BCAR1: variants seen among roughly 807,000 people sequenced by gnomAD.
BCAR1 encodes BCAR1 scaffold protein, Cas family member.
A neutral mutation model predicts 67.6 loss-of-function variants in BCAR1; 30 were observed. That is an observed-to-expected ratio of 0.44 (90% CI 0.33 to 0.60). BCAR1 has a LOEUF of 0.60. Among genes scored for constraint, BCAR1 ranks in the 20% least tolerant of loss-of-function variants. The probability of loss-of-function intolerance (pLI) is 0.02; values close to 1 mark genes in which losing one functional copy is unlikely to be tolerated. For synonymous variants in BCAR1, 626 were observed against 556.7 expected (o/e 1.12, Z -1.75); for missense variants, 1,313 against 1,222.3 (o/e 1.07, Z -1.11).
At chr16:75,260,697 A>C (rs2077889153) in intron 1 of BCAR1, among the ~76,000 whole-genome samples, 1 of 152,168 alleles carries the variant, frequency 6.6e-6, no homozygotes, top group Non-Finnish European at 1.5e-5. Flanking sequence ...ACGACATGTA[A>C]AATTTACCTC....
Position 75,251,617 on chromosome 16 carries a change from G to C in BCAR1, c.-135C>G, listed in dbSNP as rs2151463189. 9.9e-7 allele frequency: 1 copy of C among 1,011,306 alleles called. No individual in the cohort carries two copies. Among genetic ancestry groups the C allele is most frequent in the Non-Finnish European group, 1.2e-6 (1 of 848,194 alleles). 62.6% of individuals were successfully genotyped at this position (1,011,306 alleles called of 1,614,324 possible). A position where few individuals can be genotyped will look rare whatever the true frequency, so the allele number is the denominator to read the frequency against. The stretch of plus-strand genomic sequence containing the variant: ...GCAGCTGCCGCCTCGGCCACCCAGA[G>C]CCGGTCCAGCCGCTCTCCGCCTGCC... On this transcript the variant is annotated 5_prime_UTR_variant, in exon 1 of 7. Coordinates refer to ENST00000162330, the MANE Select transcript of BCAR1 (RefSeq NM_014567.5).
intron 1 of BCAR1, chr16:75,248,424 G>A: frequency 9.3e-7 from 1 of 1,077,884 alleles, no homozygotes; most frequent in South Asian, 2.0e-5. Flanking sequence ...GCCAACGGAT[G>A]CAGGCCCAAT....
chr16:75,256,488 C>T (rs577878752), upstream of BCAR1, among the ~76,000 whole-genome samples: 20 of 149,654 alleles, frequency 1.3e-4, 1 homozygote, highest in East Asian at 4.0e-3. Flanking sequence ...GTGGGCAGAG[C>T]TGCCAGGTAA....
Position 75,237,276 on chromosome 16 carries a change from G to C in BCAR1, c.702C>G (p.Tyr234Ter). 1 of 1,521,110 alleles carries C rather than the reference G, an allele frequency of 6.6e-7. No individual in the cohort carries two copies. Among genetic ancestry groups the C allele is most frequent in the Non-Finnish European group, 8.8e-7 (1 of 1,138,610 alleles). The allele number at this position is 1,521,110 out of a possible 1,614,324, so 94.2% of individuals were successfully genotyped here. ...GGGCCAGCAGGTGTCGCGGGATGTC[G>C]TACTCGTCCTGCTCCGGCTGGGCGG... ...YEAAQPEQDE[Y>*]DIPRHLLAPG... Residue 234 changes from tyrosine (Y) to a stop codon, truncating the protein, a stop_gained, in exon 3 of 7, where the codon TAC becomes TAG. Transcript: ENST00000162330. LOFTEE classifies it high-confidence loss of function.
chr16:75,237,313 T>A lies in BCAR1; in HGVS notation c.665A>T (p.Tyr222Phe). The change falls in exon 3 of 7, where the codon TAT becomes TTT. Residue 222 changes from tyrosine (Y) to phenylalanine (F), a missense_variant. Around this residue, in one of 2 missense-constraint regions of BCAR1, gnomAD observed 1,272 missense variants for 1,137.5 expected, o/e 1.12. Coordinates refer to ENST00000162330, the MANE Select transcript of BCAR1 (RefSeq NM_014567.5). ...CTCCGGCTGGGCGGCCTCGTATACATAGCCCTGCCCCACGCGGGTGGGCAC... is the reference window on the plus strand; with the variant it reads ...CTCCGGCTGGGCGGCCTCGTATACAAAGCCCTGCCCCACGCGGGTGGGCAC... Reference protein sequence around the residue: ...VVVPTRVGQGYVYEAAQPEQD... With the variant: ...VVVPTRVGQGFVYEAAQPEQD... 1 of 1,510,538 alleles carries A rather than the reference T, an allele frequency of 6.6e-7. No individual in the cohort carries two copies. 93.6% of individuals were successfully genotyped at this position (1,510,538 alleles called of 1,614,324 possible). A position where few individuals can be genotyped will look rare whatever the true frequency, so the allele number is the denominator to read the frequency against.
intron 1 of BCAR1, chr16:75,245,961 GTTCT>G (rs2077504763): frequency 3.7e-5 from 1 of 27,018 alleles, no homozygotes; most frequent in East Asian, 1.0e-3. Context: ...TCATAGGATT[GTTCT>G]TTTTTTTTTT....
At chr16:75,266,832 C>A in intron 1 of BCAR1, 1 of 1,293,492 alleles carries the variant, frequency 7.7e-7, no homozygotes. Flanking sequence ...TCAGCGCTGC[C>A]CACCCCAGGG....
rs2077562871 is a variant in BCAR1 at position 75,247,773 on chromosome 16, C to CACCT, written c.12+3697_12+3698insAGGT. ...GCTGACCAAAACCCTCTCTGCCAGG[C>CACCT]CTGGCTCATATCTGGCCTGCACCCT... On this transcript the variant is annotated intron_variant, in intron 1 of 6. Coordinates refer to ENST00000162330, the MANE Select transcript of BCAR1 (RefSeq NM_014567.5). 8 of 476,142 alleles carry CACCT rather than the reference C, an allele frequency of 1.7e-5. No individual in the cohort carries two copies. The South Asian group carries it at 1.8e-4, about 11-fold the overall frequency. 29.5% of individuals were successfully genotyped at this position (476,142 alleles called of 1,614,324 possible). A position where few individuals can be genotyped will look rare whatever the true frequency, so the allele number is the denominator to read the frequency against.
At chr16:75,252,171 A>C (rs1315370697), upstream of BCAR1, 13 of 1,531,828 alleles carry the variant, frequency 8.5e-6, no homozygotes, top group African/African-American at 1.5e-4. Flanking sequence ...ACCCCAGGAA[A>C]TGAAGCCTCA....
chr16:75,262,347 G>A (rs908107890), intron 1 of BCAR1, among the ~76,000 whole-genome samples: 1 of 152,236 alleles, frequency 6.6e-6, no homozygotes, highest in African/African-American at 2.4e-5. Flanking sequence ...GCAGTGTGAA[G>A]AGGGAGCCTG....
intron 1 of BCAR1, among the ~76,000 whole-genome samples, chr16:75,259,383 A>G (rs1331633972): frequency 6.6e-6 from 1 of 152,240 alleles, no homozygotes; most frequent in Non-Finnish European, 1.5e-5. Context: ...CTATAGTCCC[A>G]GCTACTGGGG....
In BCAR1 at chr16:75,234,955, C is replaced by T. The variant is rs139515923; in HGVS notation, c.1944G>A (p.Ser648=). ...CGCTGTTCTCGTACTGCCCATCTGGCGAGTCCTGGGAGGTGAACTTAGGGG... is the reference window on the plus strand; with the variant it reads ...CGCTGTTCTCGTACTGCCCATCTGGTGAGTCCTGGGAGGTGAACTTAGGGG... The part of the protein sequence containing the change: ...PSPPKFTSQD[S]PDGQYENSEG... Residue 648 remains serine, a synonymous_variant, in exon 5 of 7, where the codon TCG becomes TCA. Coordinates refer to ENST00000162330, the MANE Select transcript of BCAR1 (RefSeq NM_014567.5). 2,080 of 1,587,566 alleles carry T rather than the reference C, an allele frequency of 1.3e-3. 3 individuals are homozygous for T. The highest frequency in any genetic ancestry group is 1.5e-3 in the Non-Finnish European group (1,767 of 1,162,434).
rs576436743 is a variant in BCAR1 at position 75,232,049 on chromosome 16, T to C, written c.2100+1797A>G. On this transcript the variant is annotated intron_variant, in intron 6 of 6. Transcript: ENST00000162330. ...GGCATGTGCCACCATGCCCAGCTAATTGTTTTGTATTTTTAGTAGAGATGG... is the reference window on the plus strand; with the variant it reads ...GGCATGTGCCACCATGCCCAGCTAACTGTTTTGTATTTTTAGTAGAGATGG... 1.1e-4 allele frequency among the ~76,000 whole-genome samples: 16 copies of C among 151,322 alleles called. No individual in the cohort carries two copies. The East Asian group carries it at 2.5e-3, about 24-fold the overall frequency.
chr16:75,253,655 A>C (rs147623136), upstream of BCAR1, among the ~76,000 whole-genome samples: 4,589 of 152,270 alleles, frequency 0.03, 101 homozygotes, highest in Middle Eastern at 0.12. Context: ...TCCCTCCCCC[A>C]AAAGCCTGTG....
At chr16:75,266,790 T>C in intron 1 of BCAR1, 1 of 1,436,020 alleles carries the variant, frequency 7.0e-7, no homozygotes, top group Non-Finnish European at 9.2e-7. Context: ...CTAGAGCAAG[T>C]GGGGCTGGGG....
At chr16:75,243,796 G>C (rs1208710476) in intron 1 of BCAR1, among the ~76,000 whole-genome samples, 1 of 152,200 alleles carries the variant, frequency 6.6e-6, no homozygotes, top group African/African-American at 2.4e-5. Flanking sequence ...CGTGGCGAGG[G>C]CAGGGGCGGA....
chr16:75,237,053 A>G, intron 3 of BCAR1, 55 bp from the exon 4 acceptor site: 1 of 1,539,456 alleles, frequency 6.5e-7, no homozygotes, highest in Non-Finnish European at 8.8e-7. Context: ...GGGGAATAGG[A>G]AAGGTGGGAA....
intron 6 of BCAR1, among the ~76,000 whole-genome samples, chr16:75,230,863 G>T (rs1188505632): frequency 6.6e-6 from 1 of 152,196 alleles, no homozygotes; most frequent in Non-Finnish European, 1.5e-5. Context: ...TAGCCAGTGA[G>T]ATACATACTC....
chr16:75,256,713 C>A (rs139593433), intron 1 of BCAR1, among the ~76,000 whole-genome samples: 1 of 151,914 alleles, frequency 6.6e-6, no homozygotes, highest in Non-Finnish European at 1.5e-5. Context: ...CACAGCCGCC[C>A]GAGGCCGGTG....
Sources: allele counts gnomAD v4.1 joint callset (sites outside exome capture counted in the v4.1 genomes callset), GRCh38; gene constraint gnomAD v4.1.1; regional missense constraint gnomAD v4.1.1; transcripts MANE v1.5; gene names NCBI Gene and HGNC (gene_info 2026-07-23, HGNC 2026-07-21).